Variants in WNK1 observed in about 807,000 individuals in gnomAD.
WNK1 encodes serine/threonine-protein kinase WNK1.
In WNK1, 38 loss-of-function variants were observed where a neutral mutation model predicts 222.8. The observed-to-expected ratio is 0.17, with a 90% CI of 0.13 to 0.22. The LOEUF (loss-of-function observed/expected upper bound fraction) is 0.22. WNK1 is among the 10% of genes least tolerant of loss of function. The probability of loss-of-function intolerance (pLI) is 1.00; values close to 1 mark genes in which losing one functional copy is unlikely to be tolerated. For missense variants in WNK1, 2,348 were observed against 2,918.4 expected (o/e 0.80, Z 4.50); for synonymous variants, 1,090 against 1,092.9 (o/e 1.00, Z 0.05).
At chr12:790,394 G>A (rs978425841) in intron 1 of WNK1, among the ~76,000 whole-genome samples, 3 of 152,102 alleles carry the variant, frequency 2.0e-5, no homozygotes, top group African/African-American at 2.4e-5. Flanking sequence ...ATGAGTCACC[G>A]TGCCACATCT....
chr12:845,086 G>A (rs1025942471), intron 4 of WNK1, among the ~76,000 whole-genome samples: 114 of 151,010 alleles, frequency 7.5e-4, no homozygotes, highest in African/African-American at 2.7e-3. Flanking sequence ...TAGTAGAGAC[G>A]GGGTTTCACC....
intron 4 of WNK1, among the ~76,000 whole-genome samples, chr12:831,285 C>T (rs547081556): frequency 2.0e-5 from 3 of 152,242 alleles, no homozygotes; most frequent in African/African-American, 7.2e-5. Context: ...TGCCTGTAAT[C>T]TCAGCACTTT....
rs374334384 is a variant in WNK1 at position 800,314 on chromosome 12, T to A, written c.760-13328T>A. Reference sequence around the variant, plus strand: ...TTTTCCTTCATTTTTTGGCTTCATCTTCTTTGATCACCTTTTTATTTGGCA... The same window carrying A: ...TTTTCCTTCATTTTTTGGCTTCATCATCTTTGATCACCTTTTTATTTGGCA... On this transcript the variant is annotated intron_variant, in intron 1 of 27. Coordinates refer to ENST00000315939, the MANE Select transcript of WNK1 (RefSeq NM_018979.4). 6.6e-5 allele frequency among the ~76,000 whole-genome samples: 10 copies of A among 152,276 alleles called. No homozygotes were observed. In the East Asian group the frequency reaches 1.5e-3, roughly 23 times the overall value.
chr12:860,049 A>G (rs780851717), intron 6 of WNK1, among the ~76,000 whole-genome samples: 10 of 152,254 alleles, frequency 6.6e-5, no homozygotes, highest in African/African-American at 1.2e-4. Flanking sequence ...GTAGATATAT[A>G]TATACATAGG....
chr12:870,729 T>A (rs1189445780), intron 8 of WNK1, among the ~76,000 whole-genome samples: 1 of 152,200 alleles, frequency 6.6e-6, no homozygotes, highest in Non-Finnish European at 1.5e-5. Flanking sequence ...CTCCACATAT[T>A]GCCAAGTGCC....
intron 1 of WNK1, among the ~76,000 whole-genome samples, chr12:792,471 G>A (rs1372344283): frequency 1.3e-5 from 2 of 151,716 alleles, no homozygotes; most frequent in Non-Finnish European, 2.9e-5. Flanking sequence ...CCGCCACCAC[G>A]CCCAGCTAAT....
intron 1 of WNK1, among the ~76,000 whole-genome samples, chr12:797,992 A>ATT (rs1158533887): frequency 6.6e-6 from 1 of 150,754 alleles, no homozygotes; most frequent in Non-Finnish European, 1.5e-5. Flanking sequence ...TATTCTATGT[A>ATT]TTTTACATTG....
At chr12:767,268 T>G (rs1026922396) in intron 1 of WNK1, among the ~76,000 whole-genome samples, 1 of 87,776 alleles carries the variant, frequency 1.1e-5, no homozygotes, top group Admixed American at 1.4e-4. Context: ...TTTTTTTTTT[T>G]TGGAGACAGA....
At chr12:847,292 C>G (rs1189041843) in intron 4 of WNK1, among the ~76,000 whole-genome samples, 1 of 152,094 alleles carries the variant, frequency 6.6e-6, no homozygotes, top group Non-Finnish European at 1.5e-5. Flanking sequence ...ACTGAGTTTT[C>G]TGATATACTG....
chr12:835,230 T>C (rs988944754), intron 4 of WNK1, among the ~76,000 whole-genome samples: 1 of 152,126 alleles, frequency 6.6e-6, no homozygotes, highest in African/African-American at 2.4e-5. Flanking sequence ...TCCCAGCCAC[T>C]GGGAGGCTGA....
chr12:878,915 C>G (rs1023486014), intron 10 of WNK1, among the ~76,000 whole-genome samples: 1 of 151,886 alleles, frequency 6.6e-6, no homozygotes, highest in East Asian at 1.9e-4. Flanking sequence ...TGTATTGTTA[C>G]CCTAATATTT....
chr12:803,651 C>T (rs954951816), intron 1 of WNK1, among the ~76,000 whole-genome samples: 11 of 152,214 alleles, frequency 7.2e-5, no homozygotes, highest in South Asian at 2.1e-4. Context: ...GCAGGAGAAT[C>T]GCTTGAACCC....
chr12:854,854 A>G (rs1950663703), intron 4 of WNK1, among the ~76,000 whole-genome samples: 1 of 152,202 alleles, frequency 6.6e-6, no homozygotes, highest in African/African-American at 2.4e-5. Flanking sequence ...TGTAAAAATT[A>G]TTTACAATAG....
At chr12:826,113 T>A (rs1269023252) in intron 2 of WNK1, among the ~76,000 whole-genome samples, 2 of 152,238 alleles carry the variant, frequency 1.3e-5, no homozygotes, top group Non-Finnish European at 2.9e-5. Context: ...GATTTCCTCC[T>A]TTCCTTTCTA....
intron 1 of WNK1, among the ~76,000 whole-genome samples, chr12:802,401 C>T (rs112819035): frequency 3.3e-5 from 5 of 152,252 alleles, no homozygotes; most frequent in African/African-American, 9.6e-5. Context: ...GCTTTTTACA[C>T]GTATCACAGT....
chr12:760,243 A>G (rs1940827300), intron 1 of WNK1, among the ~76,000 whole-genome samples: 1 of 147,880 alleles, frequency 6.8e-6, no homozygotes, highest in South Asian at 2.2e-4. Context: ...TGGATCTCAT[A>G]TATAATTCTT....
intron 9 of WNK1, among the ~76,000 whole-genome samples, chr12:871,968 T>C (rs1952193421): frequency 6.6e-6 from 1 of 152,200 alleles, no homozygotes; most frequent in South Asian, 2.1e-4. Context: ...TTCCACTGCT[T>C]GCAGCAGTGA....
rs12298816 is a variant in WNK1 at position 887,039 on chromosome 12, A to T, written c.5281-182A>T. On this transcript the variant is annotated intron_variant, in intron 19 of 27. Coordinates refer to ENST00000315939, the MANE Select transcript of WNK1 (RefSeq NM_018979.4). ...TATCGTAGTAACCCCTATAATAACA[A>T]CATTAGTTGTCACACCGTTTTTTTA... 0.99 allele frequency among the ~76,000 whole-genome samples: 150,612 copies of T among 152,332 alleles called. 74,482 individuals carry two copies. The highest frequency in any genetic ancestry group is 1 in the East Asian group (5,186 of 5,186).
chr12:881,896 T>A lies in WNK1; in HGVS notation c.3210-15T>A, dbSNP rs776242536. ...TATTATAAACTGCACTTTTTTTTCT[T>A]TTTAAATTTCAAAGTGCACATTCAG... On this transcript the variant is annotated splice_polypyrimidine_tract_variant and intron_variant, in intron 13 of 27. Coordinates refer to ENST00000315939, the MANE Select transcript of WNK1 (RefSeq NM_018979.4). 6.2e-7 allele frequency: 1 copy of A among 1,614,144 alleles called. No homozygotes were observed. Among genetic ancestry groups the A allele is most frequent in the East Asian group, 2.2e-5 (1 of 44,878 alleles).
Sources: allele counts gnomAD v4.1 joint callset (sites outside exome capture counted in the v4.1 genomes callset), GRCh38; gene constraint gnomAD v4.1.1; transcripts MANE v1.5; gene names NCBI Gene and HGNC (gene_info 2026-07-23, HGNC 2026-07-21).